The following PRKCQ variants were observed in gnomAD, a reference collection of about 807,000 sequenced individuals.
PRKCQ encodes protein kinase C theta.
Under a neutral mutation model 91.2 loss-of-function variants are expected in PRKCQ, and 41 were observed. That is an observed-to-expected ratio of 0.45 (90% confidence interval 0.35 to 0.58). The LOEUF is 0.58. Among genes scored for constraint, PRKCQ ranks in the 20% least tolerant of loss-of-function variants. The pLI is 0.00. For missense variants in PRKCQ, 673 were observed against 896.5 expected, an observed-to-expected ratio of 0.75 and a Z score of 3.18; for synonymous variants, 307 against 316.9, an observed-to-expected ratio of 0.97 and a Z score of 0.33.
chr10:6,435,104 C>T (rs1015161028), intron 16 of PRKCQ, among the ~76,000 whole-genome samples: 7 of 152,094 alleles, frequency 4.6e-5, no homozygotes, highest in African/African-American at 7.2e-5. Flanking sequence ...TTAGTAGAGA[C>T]GGGGAGTAAA....
chr10:6,399,807 C>CAG, the PRKCQ span, among the ~76,000 whole-genome samples: 2 of 150,440 alleles, frequency 1.3e-5, no homozygotes, highest in African/African-American at 2.4e-5. Context: ...CCAGGCAGAA[C>CAG]AGAGATGTGG....
At chr10:6,485,976 G>T in intron 9 of PRKCQ, 59 bp downstream of exon 9, 2 of 1,417,532 alleles carry the variant, frequency 1.4e-6, no homozygotes, top group Non-Finnish European at 2.0e-6. Context: ...CAGCAGAAGT[G>T]CATGGACATC....
rs1833217233 is a variant in PRKCQ, at chr10:6,428,197, G to C, written c.*10C>G. On this transcript the variant is annotated 3_prime_UTR_variant, in exon 18 of 18. Transcript: ENST00000263125. The stretch of plus-strand genomic sequence containing the variant: ...AGGCAAATTCTTTCCTGTCTCTGGA[G>C]GGGCAAGATTCAGGATATCAGCCGC... 1 of 1,614,016 alleles carries C rather than the reference G, an allele frequency of 6.2e-7. No homozygotes were observed. Among genetic ancestry groups the C allele is most frequent in the Admixed American group, 1.7e-5 (1 of 59,992 alleles).
chr10:6,565,414 A>G (rs1564396761), intron 1 of PRKCQ, among the ~76,000 whole-genome samples: 2 of 152,264 alleles, frequency 1.3e-5, no homozygotes, highest in African/African-American at 4.8e-5. Context: ...TATGAAAATA[A>G]TAAAATTCAA....
At chr10:6,424,959 G>A (rs892683261), downstream of PRKCQ, among the ~76,000 whole-genome samples, 1 of 152,202 alleles carries the variant, frequency 6.6e-6, no homozygotes, top group Non-Finnish European at 1.5e-5. Flanking sequence ...AACTGGGAGT[G>A]GTGATGAGAG....
At position 6,465,241 on chromosome 10, in the gene PRKCQ, T is replaced by C. The variant is rs1418544521; in HGVS notation, c.1354-837A>G. Among the ~76,000 whole-genome samples the C allele has an allele frequency of 1.3e-5, 2 of 152,290 alleles. No individual in the cohort carries two copies. Among genetic ancestry groups the C allele is most frequent in the East Asian group, 3.9e-4 (2 of 5,184 alleles). On this transcript the variant is annotated intron_variant, in intron 12 of 17. Transcript: ENST00000263125. The surrounding 1 kb of genome is among the most constrained non-coding windows in gnomAD (Gnocchi z 4.4). ...CATGTCAGTCATTCCTCCCTGAAGC[T>C]TGCAATCAAGTTTAACCTTATTTTT... is the stretch of plus-strand genomic sequence containing the variant.
rs45449405 is a variant in PRKCQ at position 6,428,081 on chromosome 10, G to C, written c.*126C>G. 1.5e-5 allele frequency: 18 copies of C among 1,216,192 alleles called. No homozygotes were observed. In the Admixed American group the frequency reaches 1.8e-4, roughly 12 times the overall value. The allele number at this position is 1,216,192 out of a possible 1,614,324, so 75.3% of individuals were successfully genotyped here. Reference sequence around the variant, plus strand: ...AGATAAAAGTCACATGGGGGCGAACGGGTCTCAGTCTTTATTGTTGAGTGT... The same window carrying C: ...AGATAAAAGTCACATGGGGGCGAACCGGTCTCAGTCTTTATTGTTGAGTGT... On this transcript the variant is annotated 3_prime_UTR_variant, in exon 18 of 18. Transcript: ENST00000263125.
At chr10:6,512,912 A>G (rs1838554199) in intron 2 of PRKCQ, among the ~76,000 whole-genome samples, 1 of 152,138 alleles carries the variant, frequency 6.6e-6, no homozygotes, top group African/African-American at 2.4e-5. Context: ...GGCTTTTTAG[A>G]AACCAACGGC....
At chr10:6,459,218 C>T (rs979665271) in intron 14 of PRKCQ, among the ~76,000 whole-genome samples, 2 of 152,126 alleles carry the variant, frequency 1.3e-5, no homozygotes, top group African/African-American at 2.4e-5. Flanking sequence ...TATATTTTTT[C>T]CTTTCAGCTC....
the PRKCQ span, among the ~76,000 whole-genome samples, chr10:6,404,255 G>GGGGGGGGAGAGA: frequency 2.9e-5 from 1 of 34,360 alleles, no homozygotes; most frequent in Non-Finnish European, 6.1e-5. Flanking sequence ...GAAGGGGGGG[G>GGGGGGGGAGAGA]GAGAGAGAGA....
At position 6,510,988 on chromosome 10, in the gene PRKCQ, A is replaced by G. The variant is rs1253469877; in HGVS notation, c.318+7T>C. The G allele has an allele frequency of 5.0e-6, 8 of 1,613,888 alleles. No individual in the cohort carries two copies. Among genetic ancestry groups the G allele is most frequent in the Non-Finnish European group, 5.9e-6 (7 of 1,179,928 alleles). On this transcript the variant is annotated splice_region_variant and intron_variant, in intron 3 of 17. Transcript: ENST00000263125. ...CCCTTATGTGCATACACTTTATGCAACGTTACCCATATTTCTGTCTTCCCG... is the reference window on the plus strand; with the variant it reads ...CCCTTATGTGCATACACTTTATGCAGCGTTACCCATATTTCTGTCTTCCCG...
chr10:6,452,871 T>C (rs1372643196), intron 15 of PRKCQ, among the ~76,000 whole-genome samples: 2 of 140,408 alleles, frequency 1.4e-5, no homozygotes, highest in Admixed American at 7.4e-5. Context: ...GCTAGCCATA[T>C]GGAGAAAGCT....
At chr10:6,485,966 C>T (rs1241297390) in intron 9 of PRKCQ, 69 bp downstream of exon 9, 13 of 1,355,760 alleles carry the variant, frequency 9.6e-6, no homozygotes, top group African/African-American at 1.4e-5. Context: ...ACAGGTGAAG[C>T]AGCAGAAGTG....
chr10:6,553,659 C>T (rs188967769), intron 1 of PRKCQ, among the ~76,000 whole-genome samples: 132 of 152,048 alleles, frequency 8.7e-4, no homozygotes, highest in Non-Finnish European at 1.6e-3. Context: ...CTGCTGTGAA[C>T]ATCCTTGTAG....
chr10:6,445,106 A>G (rs1417991608), intron 15 of PRKCQ, among the ~76,000 whole-genome samples: 2 of 131,344 alleles, frequency 1.5e-5, no homozygotes, highest in Non-Finnish European at 3.2e-5. Flanking sequence ...CCTAGGTGAC[A>G]GAGCAAGACT....
chr10:6,429,575 C>T (rs1189909600), intron 17 of PRKCQ, among the ~76,000 whole-genome samples: 1 of 152,146 alleles, frequency 6.6e-6, no homozygotes, highest in Non-Finnish European at 1.5e-5. Flanking sequence ...TGGCCCCCTT[C>T]AGCACGGATA....
At chr10:6,415,770 GTC>G in the PRKCQ span, among the ~76,000 whole-genome samples, 96,767 of 146,350 alleles carry the variant, frequency 0.66, 32,821 homozygotes, top group East Asian at 0.81. Context: ...TTGAGACAGA[GTC>G]TCTTGCTGTG....
At chr10:6,502,725 A>G (rs1837987319) in intron 4 of PRKCQ, among the ~76,000 whole-genome samples, 1 of 152,220 alleles carries the variant, frequency 6.6e-6, no homozygotes, top group Non-Finnish European at 1.5e-5. Flanking sequence ...GACAACACGA[A>G]CACAAATGAT....
chr10:6,462,186 T>C, intron 14 of PRKCQ, 117 bp downstream of exon 14: 2 of 884,200 alleles, frequency 2.3e-6, no homozygotes, highest in Non-Finnish European at 3.7e-6. Context: ...GACCTATGTG[T>C]GGAGCTTACT....
Sources: gnomAD v4.1 joint callset for allele counts (sites outside exome capture counted in the v4.1 genomes callset) on GRCh38, gnomAD v4.1.1 for gene constraint, Gnocchi (gnomAD v3.1) non-coding constraint, MANE v1.5 for transcripts, NCBI Gene and HGNC (gene_info 2026-07-23, HGNC 2026-07-21) for gene names.